Variants in STAM2 observed in about 807,000 individuals in gnomAD.
The protein encoded by STAM2 is signal transducing adaptor molecule 2, also known as signal transducing adapter molecule 2.
In STAM2, 51 loss-of-function variants were observed where a neutral mutation model predicts 65.6. The ratio of observed to expected loss-of-function variants is 0.78; its 90% CI spans 0.62 to 0.98. STAM2 has a LOEUF of 0.98. Among genes scored for constraint, STAM2 ranks in the 50% least tolerant of loss-of-function variants. The pLI, the probability that STAM2 is intolerant of heterozygous loss-of-function variation, is 0.00. For synonymous variants in STAM2, 198 were observed against 208.4 expected (o/e 0.95, Z 0.43); for missense variants, 584 against 617.8 (o/e 0.95, Z 0.58).
chr2:152,132,174 A>G lies in STAM2; in HGVS notation c.971-6T>C, dbSNP rs201976597. ...ACCCATCTGTTGGCAGATATCTGTA[A>G]ATACAAAAATACTTACAAATATAGA... On this transcript the variant is annotated splice_polypyrimidine_tract_variant and splice_region_variant and intron_variant, in intron 10 of 13. Transcript: ENST00000263904. 333 of 1,601,296 alleles carry G rather than the reference A, an allele frequency of 2.1e-4. 1 individual carries two copies. The highest frequency in any genetic ancestry group is 2.8e-4 in the Non-Finnish European group (329 of 1,171,768).
At chr2:152,170,995 C>T (rs1689888885) in intron 1 of STAM2, among the ~76,000 whole-genome samples, 1 of 151,928 alleles carries the variant, frequency 6.6e-6, no homozygotes, top group African/African-American at 2.4e-5. Flanking sequence ...GACTCCGTCT[C>T]AAAAAAGAAG....
chr2:152,160,378 G>A (rs1007875643), intron 1 of STAM2, among the ~76,000 whole-genome samples: 2 of 151,772 alleles, frequency 1.3e-5, no homozygotes, highest in Non-Finnish European at 1.5e-5. Flanking sequence ...CCTCTGCCCT[G>A]CCACCCCGTC....
chr2:152,163,653 TA>T (rs1224989291), intron 1 of STAM2, among the ~76,000 whole-genome samples: 2 of 152,204 alleles, frequency 1.3e-5, no homozygotes, highest in Admixed American at 1.3e-4. Flanking sequence ...AGAGAGTCTA[TA>T]AACAGATGTG....
At position 152,130,694 on chromosome 2, in the gene STAM2, A is replaced by T. The variant is rs184980706; in HGVS notation, c.1025+1420T>A. On this transcript the variant is annotated intron_variant, in intron 11 of 13. Coordinates refer to ENST00000263904, the MANE Select transcript of STAM2 (RefSeq NM_005843.6). ...GCAGCACAGCAAGACCCTGTCTTTA[A>T]AAAAAAAAAAAGCTGGGCATAAGGC... 3.2e-3 allele frequency among the ~76,000 whole-genome samples: 472 copies of T among 146,732 alleles called. 1 individual carries two copies. Among genetic ancestry groups the T allele is most frequent in the African/African-American group, 0.011 (442 of 40,608 alleles).
chr2:152,149,496 CTTTT>C (rs70974823), intron 2 of STAM2, among the ~76,000 whole-genome samples: 4 of 126,598 alleles, frequency 3.2e-5, no homozygotes, highest in Non-Finnish European at 1.6e-5. Context: ...ATAGTCTACT[CTTTT>C]TTTTTTTTTT....
At position 152,120,431 on chromosome 2, in the gene STAM2, T is replaced by C; in HGVS notation, c.*143A>G. On this transcript the variant is annotated 3_prime_UTR_variant, in exon 14 of 14. Coordinates refer to ENST00000263904, the MANE Select transcript of STAM2 (RefSeq NM_005843.6). Reference sequence around the variant, plus strand: ...AAAAAAAAAACCTTTTATGGCCTTGTAGAATAAGAGAGGTTTTTGTGCTTT... The same window carrying C: ...AAAAAAAAAACCTTTTATGGCCTTGCAGAATAAGAGAGGTTTTTGTGCTTT... The C allele has an allele frequency of 1.6e-6, 1 of 623,814 alleles. No homozygotes were observed. Among genetic ancestry groups the C allele is most frequent in the Non-Finnish European group, 2.7e-6 (1 of 370,652 alleles). The allele number at this position is 623,814 out of a possible 1,614,324, so 38.6% of individuals were successfully genotyped here. A position where few individuals can be genotyped will look rare whatever the true frequency, so the allele number is the denominator to read the frequency against.
chr2:152,148,361 T>C, intron 2 of STAM2, 61 bp from the exon 3 acceptor site: 1 of 1,328,220 alleles, frequency 7.5e-7, no homozygotes, highest in Non-Finnish European at 1.1e-6. Flanking sequence ...AATTCAAACA[T>C]TAAGGTATTA....
Position 152,120,729 on chromosome 2 carries a change from T to G in STAM2, c.1423A>C (p.Thr475Pro). The G allele has an allele frequency of 6.2e-7, 1 of 1,614,186 alleles. No individual in the cohort carries two copies. Among genetic ancestry groups the G allele is most frequent in the Non-Finnish European group, 8.5e-7 (1 of 1,180,038 alleles). The change falls in exon 14 of 14, where the codon ACT (threonine) becomes CCT (proline). Residue 475 changes from threonine (T) to proline (P), a missense_variant. Transcript: ENST00000263904. ...ATCCCCATTTGCTGTGTGTAAGCAG[T>G]TGTACCAGTAGCTGACTGTAGGTTA... ...NSNLQSATGT[T>P]AYTQQMGMSV...
intron 12 of STAM2, among the ~76,000 whole-genome samples, chr2:152,125,710 T>C (rs1469061124): frequency 1.3e-5 from 2 of 152,162 alleles, no homozygotes; most frequent in African/African-American, 4.8e-5. Flanking sequence ...TGCAGCTAAG[T>C]AAAGGAAGTA....
In STAM2 at chr2:152,120,816, T is replaced by G. The variant is rs780869057; in HGVS notation, c.1350-14A>C. On this transcript the variant is annotated splice_polypyrimidine_tract_variant and intron_variant, in intron 13 of 13. Transcript: ENST00000263904. ...TCTTGTCCAGTGCTACAAACAAAAT[T>G]TTAAAAAGAAAACCATATTTACTTT... 1.2e-6 allele frequency: 2 copies of G among 1,602,188 alleles called. No individual in the cohort carries two copies. The highest frequency in any genetic ancestry group is 2.7e-5 in the African/African-American group (2 of 74,560).
In STAM2 at chr2:152,175,672, T is replaced by C. The variant is rs755144330; in HGVS notation, c.-30A>G. ...CCGGCGCCCGAGCCCTAGTCGCTGC[T>C]GTCTAGCTGACACTCAGCAACTGCT... On this transcript the variant is annotated 5_prime_UTR_variant, in exon 1 of 14. Coordinates refer to ENST00000263904, the MANE Select transcript of STAM2 (RefSeq NM_005843.6). 4 of 1,600,762 alleles carry C rather than the reference T, an allele frequency of 2.5e-6. No homozygotes were observed. The Admixed American group carries it at 5.2e-5, about 21-fold the overall frequency.
At position 152,117,556 on chromosome 2, in the gene STAM2, C is replaced by T. The variant is rs1008871218; in HGVS notation, c.*3018G>A. The T allele has an allele frequency of 6.6e-6, 1 of 152,100 alleles. No homozygotes were observed. Among genetic ancestry groups the T allele is most frequent in the Admixed American group, 6.5e-5 (1 of 15,272 alleles). 9.4% of individuals were successfully genotyped at this position (152,100 alleles called of 1,614,324 possible). On this transcript the variant is annotated 3_prime_UTR_variant, in exon 14 of 14. Coordinates refer to ENST00000263904, the MANE Select transcript of STAM2 (RefSeq NM_005843.6). The stretch of plus-strand genomic sequence containing the variant: ...AAAACTGAGTATTCCCATTTACTAA[C>T]TGGCTAAAACTGATGATGAAAGAAG...
intron 1 of STAM2, among the ~76,000 whole-genome samples, chr2:152,173,378 A>ATATACATATG (rs1553848912): frequency 1.4e-5 from 2 of 147,376 alleles, no homozygotes; most frequent in African/African-American, 4.9e-5. Context: ...ATATACATAT[A>ATATACATATG]TATATATATG....
chr2:152,120,641 G>A lies in STAM2; in HGVS notation c.1511C>T (p.Pro504Leu), dbSNP rs750943315. 3.9e-5 allele frequency: 63 copies of A among 1,613,938 alleles called. 1 individual carries two copies. In the Middle Eastern group the frequency reaches 1.2e-3, roughly 29 times the overall value. ...AACTGGATGAGCTGGAACTGTCACCGGAAAGCCTGCCAGTTGAGGCAAATT... is the reference window on the plus strand; with the variant it reads ...AACTGGATGAGCTGGAACTGTCACCAGAAAGCCTGCCAGTTGAGGCAAATT... ...TSNLPQLAGF[P>L]VTVPAHPVAQ... The change falls in exon 14 of 14, where the codon CCG (proline) becomes CTG (leucine). Residue 504 changes from proline (P) to leucine (L), a missense_variant. By Grantham distance (98) the Pro-to-Leu change is moderately conservative. Transcript: ENST00000263904.
At chr2:152,160,418 G>A (rs1274096548) in intron 1 of STAM2, among the ~76,000 whole-genome samples, 5 of 151,342 alleles carry the variant, frequency 3.3e-5, no homozygotes, top group Admixed American at 1.3e-4. Flanking sequence ...CTGCCCGGCC[G>A]CCCCATCTCA....
chr2:152,141,390 T>A (rs1689244094), intron 7 of STAM2, among the ~76,000 whole-genome samples: 1 of 150,462 alleles, frequency 6.6e-6, no homozygotes, highest in East Asian at 2.1e-4. Flanking sequence ...AAAAATTAGC[T>A]GGGCATGGTG....
intron 5 of STAM2, among the ~76,000 whole-genome samples, chr2:152,145,810 AG>A (rs1198488986): frequency 2.0e-5 from 3 of 152,272 alleles, no homozygotes; most frequent in African/African-American, 7.2e-5. Flanking sequence ...TTTAATAAAC[AG>A]CATGTAAGAC....
intron 1 of STAM2, 124 bp downstream of exon 1, chr2:152,175,479 C>G: frequency 7.7e-7 from 1 of 1,296,422 alleles, no homozygotes; most frequent in Non-Finnish European, 1.1e-6. Flanking sequence ...GCGGGCGGCA[C>G]CGCCCCTCCC....
Position 152,123,886 on chromosome 2 carries a change from T to C in STAM2, c.1229A>G (p.His410Arg), listed in dbSNP as rs377659087. The C allele has an allele frequency of 4.3e-6, 7 of 1,614,054 alleles. No homozygotes were observed. Among genetic ancestry groups the C allele is most frequent in the Non-Finnish European group, 5.9e-6 (7 of 1,180,018 alleles). Reference sequence around the variant, plus strand: ...ATAGCTTTGGGCAACAGTTACTTGGTGAATGCTCTGACCCATATAGTTTCC... The same window carrying C: ...ATAGCTTTGGGCAACAGTTACTTGGCGAATGCTCTGACCCATATAGTTTCC... The part of the protein sequence containing the change: ...HGGNYMGQSI[H>R]QVTVAQSYSL... The change falls in exon 13 of 14, where the codon CAC becomes CGC. Residue 410 changes from histidine (H) to arginine (R), a missense_variant. His to Arg is a conservative substitution (Grantham distance 29). Transcript: ENST00000263904.
Sources: allele counts gnomAD v4.1 joint callset (sites outside exome capture counted in the v4.1 genomes callset), GRCh38; gene constraint gnomAD v4.1.1; transcripts MANE v1.5; gene names NCBI Gene and HGNC (gene_info 2026-07-23, HGNC 2026-07-21).